Variants in TMEM131 observed in about 807,000 individuals in gnomAD.
The protein encoded by TMEM131 is 2610524E03Rik.
In TMEM131, 66 loss-of-function variants were observed where a neutral mutation model predicts 211.6. The observed-to-expected ratio is 0.31, with a 90% CI of 0.26 to 0.38. The LOEUF is 0.38. TMEM131 is among the 10% of genes least tolerant of loss of function. The pLI, the probability that TMEM131 is intolerant of heterozygous loss-of-function variation, is 1.00. For missense variants in TMEM131, 2,036 were observed against 2,299.3 expected (o/e 0.89, Z 2.34); for synonymous variants, 844 against 841.3 (o/e 1.00, Z -0.06).
intron 1 of TMEM131, among the ~76,000 whole-genome samples, chr2:97,959,618 C>T (rs1193069575): frequency 1.3e-5 from 2 of 151,822 alleles, no homozygotes; most frequent in Non-Finnish European, 2.9e-5. Flanking sequence ...GCTACAGACA[C>T]CACAACACTT....
At chr2:97,945,763 CT>C (rs1351214820) in intron 1 of TMEM131, among the ~76,000 whole-genome samples, 1 of 152,028 alleles carries the variant, frequency 6.6e-6, no homozygotes, top group African/African-American at 2.4e-5. Context: ...TAAAAATTTT[CT>C]GAAAGTTTGA....
chr2:97,793,676 T>C, intron 29 of TMEM131, 123 bp from the exon 30 acceptor site: 1 of 1,006,514 alleles, frequency 9.9e-7, no homozygotes, highest in Non-Finnish European at 1.4e-6. Flanking sequence ...AACCAAGTTG[T>C]CTGTGACAAC....
chr2:97,995,377 G>C, intron 1 of TMEM131, 99 bp downstream of exon 1: 8 of 1,197,188 alleles, frequency 6.7e-6, no homozygotes, highest in Non-Finnish European at 7.4e-6. Context: ...CTTTGCGCCG[G>C]AGCCCCGGCC....
chr2:97,800,643 G>C (rs987811354), intron 25 of TMEM131, among the ~76,000 whole-genome samples: 1 of 150,338 alleles, frequency 6.7e-6, no homozygotes, highest in African/African-American at 2.5e-5. Context: ...CTGTAATCCC[G>C]CTACTCGGGA....
At chr2:97,961,439 G>A (rs1678812409) in intron 1 of TMEM131, among the ~76,000 whole-genome samples, 1 of 152,130 alleles carries the variant, frequency 6.6e-6, no homozygotes, top group Admixed American at 6.6e-5. Context: ...ATAAAGAGAT[G>A]AATCTTGTTT....
chr2:97,833,467 C>A, intron 10 of TMEM131, 41 bp from the exon 11 acceptor site: 1 of 949,498 alleles, frequency 1.1e-6, no homozygotes. Context: ...TAAAAAGGTG[C>A]TTTTTAGCCA....
At position 97,908,767 on chromosome 2, in the gene TMEM131, T is replaced by C. The variant is rs1676176656; in HGVS notation, c.250-69A>G. Reference sequence around the variant, plus strand: ...ATTTATATTACAGACATATGGAATATCCAAAATATTCTATTTTAGTTTCAA... The same window carrying C: ...ATTTATATTACAGACATATGGAATACCCAAAATATTCTATTTTAGTTTCAA... On this transcript the variant is annotated intron_variant, in intron 2 of 40. Coordinates refer to ENST00000186436, the MANE Select transcript of TMEM131 (RefSeq NM_015348.2). 6 of 1,288,468 alleles carry C rather than the reference T, an allele frequency of 4.7e-6. No individual in the cohort carries two copies. In the South Asian group the frequency reaches 5.4e-5, roughly 12 times the overall value. The allele number at this position is 1,288,468 out of a possible 1,614,324, so 79.8% of individuals were successfully genotyped here. A position where few individuals can be genotyped will look rare whatever the true frequency, so the allele number is the denominator to read the frequency against.
At position 97,900,759 on chromosome 2, in the gene TMEM131, G is replaced by A. The variant is rs1573532245; in HGVS notation, c.290+7899C>T. ...TATGAATTTGCTGGATCACATAGCA[G>A]TTCTATTTTTAATTTTTTTTAGCAA... is the stretch of plus-strand genomic sequence containing the variant. On this transcript the variant is annotated intron_variant, in intron 3 of 40. Transcript: ENST00000186436. Among the ~76,000 whole-genome samples, 4 of 152,168 alleles carry A rather than the reference G, an allele frequency of 2.6e-5. No homozygotes were observed. In the South Asian group the frequency reaches 8.3e-4, roughly 32 times the overall value.
At position 97,812,759 on chromosome 2, in the gene TMEM131, T is replaced by C. The variant is rs201764477; in HGVS notation, c.1618-10A>G. The C allele has an allele frequency of 5.5e-6, 8 of 1,442,540 alleles. No homozygotes were observed. Among genetic ancestry groups the C allele is most frequent in the Non-Finnish European group, 7.5e-6 (8 of 1,060,110 alleles). 89.4% of individuals were successfully genotyped at this position (1,442,540 alleles called of 1,614,324 possible). A position where few individuals can be genotyped will look rare whatever the true frequency, so the allele number is the denominator to read the frequency against. ...GGGGCAATACAAAGTACTGGAAAGATATAAAAGAACCAGATTAAAAAAAAG... is the reference window on the plus strand; with the variant it reads ...GGGGCAATACAAAGTACTGGAAAGACATAAAAGAACCAGATTAAAAAAAAG... On this transcript the variant is annotated splice_polypyrimidine_tract_variant and intron_variant, in intron 15 of 40. Transcript: ENST00000186436.
intron 4 of TMEM131, among the ~76,000 whole-genome samples, chr2:97,864,140 T>C (rs1674176019): frequency 1.3e-5 from 2 of 152,186 alleles, no homozygotes; most frequent in South Asian, 4.1e-4. Flanking sequence ...AGACAAACTT[T>C]CCATGTTCTC....
intron 18 of TMEM131, 135 bp downstream of exon 18, chr2:97,810,993 A>G (rs1010755480): frequency 1.2e-5 from 8 of 686,508 alleles, no homozygotes; most frequent in Middle Eastern, 2.5e-4. Flanking sequence ...ACTATTCTCG[A>G]AAGCTCAGTT....
chr2:97,793,154 C>T, intron 30 of TMEM131, 170 bp from the exon 31 acceptor site: 2 of 649,680 alleles, frequency 3.1e-6, no homozygotes, highest in Non-Finnish European at 5.1e-6. Context: ...TCTATCTGAA[C>T]ATTTATAATT....
intron 3 of TMEM131, among the ~76,000 whole-genome samples, chr2:97,905,766 A>G (rs1676041635): frequency 6.6e-6 from 1 of 152,122 alleles, no homozygotes. Flanking sequence ...GTCTTCCTTT[A>G]AATTGCTGAA....
intron 4 of TMEM131, among the ~76,000 whole-genome samples, chr2:97,881,012 A>G (rs1674903311): frequency 6.6e-6 from 1 of 152,204 alleles, no homozygotes; most frequent in Non-Finnish European, 1.5e-5. Context: ...CCAAACAAAA[A>G]GACCTAAAGT....
rs116834785 is a variant in TMEM131, at chr2:97,992,437, T to C, written c.187+3039A>G. Among the ~76,000 whole-genome samples the C allele has an allele frequency of 5.1e-4, 78 of 152,352 alleles. 1 individual carries two copies. The highest frequency in any genetic ancestry group is 1.8e-3 in the African/African-American group (74 of 41,588). On this transcript the variant is annotated intron_variant, in intron 1 of 40. Coordinates refer to ENST00000186436, the MANE Select transcript of TMEM131 (RefSeq NM_015348.2). ...AAATTTTTAAAGTCCTAATAAAGGCTGTCAAACGTTACCCTGCCATTTAAT... is the reference window on the plus strand; with the variant it reads ...AAATTTTTAAAGTCCTAATAAAGGCCGTCAAACGTTACCCTGCCATTTAAT...
At chr2:97,943,089 G>GAA (rs747978896) in intron 1 of TMEM131, among the ~76,000 whole-genome samples, 1 of 147,052 alleles carries the variant, frequency 6.8e-6, no homozygotes, top group African/African-American at 2.5e-5. Flanking sequence ...AAGAAAGAAA[G>GAA]AAAGAAAGAA....
intron 11 of TMEM131, among the ~76,000 whole-genome samples, chr2:97,827,966 C>A (rs1026585943): frequency 6.6e-6 from 1 of 152,018 alleles, no homozygotes; most frequent in Non-Finnish European, 1.5e-5. Flanking sequence ...AGAATTGTTT[C>A]CTAAAGAAAA....
chr2:97,964,638 C>G (rs1678965565), intron 1 of TMEM131, among the ~76,000 whole-genome samples: 1 of 152,152 alleles, frequency 6.6e-6, no homozygotes, highest in African/African-American at 2.4e-5. Context: ...TGTTTACTCC[C>G]AGACAGAAAA....
At chr2:97,829,352 T>C (rs1301308952) in intron 11 of TMEM131, among the ~76,000 whole-genome samples, 5 of 151,818 alleles carry the variant, frequency 3.3e-5, no homozygotes, top group African/African-American at 4.8e-5. Flanking sequence ...AGCTAAAGGA[T>C]TGTAAATGCA....
Sources: gnomAD v4.1 joint callset for allele counts (sites outside exome capture counted in the v4.1 genomes callset) on GRCh38, gnomAD v4.1.1 for gene constraint, MANE v1.5 for transcripts, NCBI Gene and HGNC (gene_info 2026-07-23, HGNC 2026-07-21) for gene names.